PRP4K: variants seen among roughly 807,000 people sequenced by gnomAD.
PRP4K encodes the protein serine/threonine-protein kinase PRP4 homolog.
At chr6:4,053,409 T>C in the PRP4K span, among the ~76,000 whole-genome samples, 47 of 152,254 alleles carry the variant, frequency 3.1e-4, no homozygotes, top group Non-Finnish European at 5.6e-4. Flanking sequence ...ACTTGTGTCA[T>C]GGAGGGTTTG....
chr6:4,029,349 T>C, the PRP4K span, among the ~76,000 whole-genome samples: 1 of 150,938 alleles, frequency 6.6e-6, no homozygotes, highest in African/African-American at 2.4e-5. Flanking sequence ...ATTTTTTTTT[T>C]TTTTTTTTTT....
At chr6:4,057,195 A>G in the PRP4K span, 1,107,345 of 1,607,986 alleles carry the variant, frequency 0.69, 381,916 homozygotes, top group East Asian at 0.79. Context: ...AAGGTAAGAC[A>G]TTAGCATGAG....
the PRP4K span, among the ~76,000 whole-genome samples, chr6:4,029,283 G>T: frequency 6.7e-6 from 1 of 150,044 alleles, no homozygotes; most frequent in African/African-American, 2.4e-5. Context: ...TATTTGAAAT[G>T]CCCCTTTTTC....
chr6:4,021,402 C>A, the PRP4K span: 63 of 1,572,008 alleles, frequency 4.0e-5, no homozygotes, highest in Non-Finnish European at 5.2e-5. Flanking sequence ...CCGCCACCGC[C>A]GCCGAGGAGT....
the PRP4K span, chr6:4,047,301 G>C: frequency 1.3e-5 from 17 of 1,345,230 alleles, no homozygotes; most frequent in Non-Finnish European, 5.3e-6. Context: ...AAATATATTG[G>C]TGCGTATATA....
the PRP4K span, among the ~76,000 whole-genome samples, chr6:4,047,568 T>C: frequency 3.3e-5 from 5 of 152,220 alleles, no homozygotes; most frequent in Non-Finnish European, 7.3e-5. Context: ...GAGATAACAG[T>C]ATTTTCTAGG....
chr6:4,022,189 A>G, the PRP4K span, among the ~76,000 whole-genome samples: 1 of 99,878 alleles, frequency 1.0e-5, no homozygotes, highest in South Asian at 3.0e-4. Flanking sequence ...CTGAGTTTAT[A>G]ACCCTTCTTT....
chr6:4,034,474 A>G, the PRP4K span, among the ~76,000 whole-genome samples: 1 of 152,168 alleles, frequency 6.6e-6, no homozygotes, highest in Non-Finnish European at 1.5e-5. Context: ...AGTTATTGCT[A>G]AATTTCCATC....
the PRP4K span, chr6:4,037,428 C>T: frequency 8.4e-5 from 136 of 1,613,512 alleles, no homozygotes; most frequent in Non-Finnish European, 1.1e-4. Context: ...CCTCAGTAGA[C>T]GTGAAAGATC....
the PRP4K span, chr6:4,037,675 C>A: frequency 9.0e-7 from 1 of 1,112,768 alleles, no homozygotes; most frequent in Non-Finnish European, 1.2e-6. Flanking sequence ...TCTGAAAAAT[C>A]GTAGTTGTGT....
At chr6:4,022,176 T>G in the PRP4K span, among the ~76,000 whole-genome samples, 1 of 130,194 alleles carries the variant, frequency 7.7e-6, no homozygotes, top group Non-Finnish European at 1.7e-5. Context: ...TTTTTTTTTT[T>G]GCCTGAGTTT....
chr6:4,038,926 T>TTTTTTC, the PRP4K span, among the ~76,000 whole-genome samples: 12 of 151,252 alleles, frequency 7.9e-5, no homozygotes, highest in South Asian at 4.2e-4. Flanking sequence ...GTGCTTTTTT[T>TTTTTTC]TTTCTTTCTT....
At chr6:4,038,014 T>G in the PRP4K span, among the ~76,000 whole-genome samples, 1 of 152,110 alleles carries the variant, frequency 6.6e-6, no homozygotes, top group Non-Finnish European at 1.5e-5. Flanking sequence ...CTGAAGCATA[T>G]GTAGTCAGTA....
At chr6:4,026,434 C>G in the PRP4K span, among the ~76,000 whole-genome samples, 1 of 151,814 alleles carries the variant, frequency 6.6e-6, no homozygotes, top group South Asian at 2.1e-4. Flanking sequence ...TCCGGAGTAG[C>G]TGGGATTACA....
chr6:4,031,371 A>G, the PRP4K span, among the ~76,000 whole-genome samples: 1 of 152,204 alleles, frequency 6.6e-6, no homozygotes, highest in Non-Finnish European at 1.5e-5. Context: ...AAGTTGTATC[A>G]CTATCCAACT....
chr6:4,047,101 G>T, the PRP4K span: 1 of 1,288,266 alleles, frequency 7.8e-7, no homozygotes, highest in South Asian at 1.2e-5. Context: ...TACTATTAAT[G>T]ACTTCCCATT....
At chr6:4,052,128 ATTTAAC>A in the PRP4K span, 1 of 1,515,630 alleles carries the variant, frequency 6.6e-7, no homozygotes, top group Non-Finnish European at 8.8e-7. Flanking sequence ...TAAATTGCAA[ATTTAAC>A]TTCTTCATCT....
chr6:4,043,520 C>T, the PRP4K span, among the ~76,000 whole-genome samples: 6 of 152,120 alleles, frequency 3.9e-5, no homozygotes, highest in Non-Finnish European at 8.8e-5. Context: ...GTGAGGCATA[C>T]TGTAGTAGTC....
the PRP4K span, among the ~76,000 whole-genome samples, chr6:4,029,744 A>G: frequency 6.6e-6 from 1 of 151,956 alleles, no homozygotes; most frequent in South Asian, 2.1e-4. Flanking sequence ...TCTTTCTGTG[A>G]TCTACAAAAC....
Sources: gnomAD v4.1 joint callset for allele counts (sites outside exome capture counted in the v4.1 genomes callset) on GRCh38, gnomAD v4.1.1 for gene constraint, MANE v1.5 for transcripts, NCBI Gene and HGNC (gene_info 2026-07-23, HGNC 2026-07-21) for gene names.